Variants in TMTC2 observed in about 807,000 individuals in gnomAD.
TMTC2 encodes the protein transmembrane O-mannosyltransferase targeting cadherins 2, also known as protein O-mannosyl-transferase TMTC2.
Under a neutral mutation model 82.4 loss-of-function variants are expected in TMTC2, and 43 were observed. That is an observed-to-expected ratio of 0.52 (90% CI 0.41 to 0.67). The LOEUF is 0.67. TMTC2 is among the 30% of genes least tolerant of loss of function. The pLI is 0.00. For synonymous variants in TMTC2, 408 were observed against 381.9 expected, an observed-to-expected ratio of 1.07 and a Z score of -0.80; for missense variants, 919 against 1,012.4, an observed-to-expected ratio of 0.91 and a Z score of 1.25.
intron 3 of TMTC2, among the ~76,000 whole-genome samples, chr12:82,919,656 G>C (rs763166700): frequency 6.6e-6 from 1 of 152,160 alleles, no homozygotes; most frequent in Non-Finnish European, 1.5e-5. Flanking sequence ...GCATAGGGTA[G>C]GCATTCTCGT....
intron 2 of TMTC2, among the ~76,000 whole-genome samples, chr12:82,863,118 T>G (rs1357181402): frequency 3.3e-5 from 5 of 152,186 alleles, no homozygotes; most frequent in Non-Finnish European, 7.3e-5. Flanking sequence ...GCATTGTCCC[T>G]TTTGTTTCTA....
At chr12:82,751,278 A>G (rs189143875) in intron 1 of TMTC2, among the ~76,000 whole-genome samples, 9 of 152,190 alleles carry the variant, frequency 5.9e-5, no homozygotes, top group Non-Finnish European at 8.8e-5. Context: ...TCAGTAAACT[A>G]TCACAAGGAC....
chr12:82,924,795 A>G, intron 3 of TMTC2, among the ~76,000 whole-genome samples: 1 of 152,138 alleles, frequency 6.6e-6, no homozygotes, highest in Non-Finnish European at 1.5e-5. Context: ...TGCAGTGAGT[A>G]CCTTCTCTGC....
chr12:83,040,338 A>T (rs1881840675), intron 9 of TMTC2, among the ~76,000 whole-genome samples: 1 of 152,088 alleles, frequency 6.6e-6, no homozygotes, highest in Non-Finnish European at 1.5e-5. Flanking sequence ...ATTATGGAGG[A>T]CTGCTGGTGA....
chr12:82,702,007 A>G (rs1487738692), intron 1 of TMTC2, among the ~76,000 whole-genome samples: 1 of 152,118 alleles, frequency 6.6e-6, no homozygotes, highest in Admixed American at 6.5e-5. Flanking sequence ...TTTAAAGTCA[A>G]TGTGTTTCTG....
chr12:82,875,374 G>GCATATATATATATATATA (rs1032944879), intron 2 of TMTC2, among the ~76,000 whole-genome samples: 3 of 150,742 alleles, frequency 2.0e-5, no homozygotes, highest in African/African-American at 7.4e-5. Context: ...ATATATGTGT[G>GCATATATATATATATATA]TATATATATA....
chr12:82,876,046 T>TGGG (rs1872493762), intron 2 of TMTC2, among the ~76,000 whole-genome samples: 2 of 118,626 alleles, frequency 1.7e-5, no homozygotes, highest in Admixed American at 9.4e-5. Context: ...GTGGTGGTGG[T>TGGG]GGTGGTGGTG....
At chr12:82,918,090 G>T (rs941571032) in intron 3 of TMTC2, among the ~76,000 whole-genome samples, 33 of 151,984 alleles carry the variant, frequency 2.2e-4, no homozygotes, top group African/African-American at 8.0e-4. Flanking sequence ...GCTAAGTTTT[G>T]TATTTATTGG....
At chr12:82,992,665 T>G (rs1879449803) in intron 8 of TMTC2, among the ~76,000 whole-genome samples, 1 of 152,196 alleles carries the variant, frequency 6.6e-6, no homozygotes, top group Non-Finnish European at 1.5e-5. Context: ...CTCTGAAGCA[T>G]AATGAATCTG....
rs147013498 is a variant in TMTC2, at chr12:82,887,296, C to T, written c.655-8522C>T. Among the ~76,000 whole-genome samples, 837 of 152,266 alleles carry T rather than the reference C, an allele frequency of 5.5e-3. 5 individuals are homozygous for T. Among genetic ancestry groups the T allele is most frequent in the South Asian group, 0.028 (134 of 4,824 alleles). On this transcript the variant is annotated intron_variant, in intron 2 of 11. Coordinates refer to ENST00000321196, the MANE Select transcript of TMTC2 (RefSeq NM_152588.3). The stretch of plus-strand genomic sequence containing the variant: ...AGATCAGAAGACAATATTGAAGCTG[C>T]TATTATTAATGACAGTTTTCTTTCA...
At chr12:82,852,315 G>C (rs1410033690) in intron 1 of TMTC2, among the ~76,000 whole-genome samples, 3 of 151,922 alleles carry the variant, frequency 2.0e-5, no homozygotes, top group Non-Finnish European at 4.4e-5. Context: ...TACTGTGTTA[G>C]CCAGGATGGT....
At chr12:82,708,693 G>C (rs550527274) in intron 1 of TMTC2, among the ~76,000 whole-genome samples, 1 of 152,174 alleles carries the variant, frequency 6.6e-6, no homozygotes, top group Non-Finnish European at 1.5e-5. Flanking sequence ...TACGATGCTC[G>C]AGTTGCTGTT....
chr12:82,766,136 G>A (rs1332162188), intron 1 of TMTC2, among the ~76,000 whole-genome samples: 1 of 152,202 alleles, frequency 6.6e-6, no homozygotes, highest in Non-Finnish European at 1.5e-5. Context: ...TGGGCTTTCA[G>A]TGCTAATGCT....
chr12:83,035,075 G>A (rs1198242144), intron 9 of TMTC2, among the ~76,000 whole-genome samples: 1 of 152,152 alleles, frequency 6.6e-6, no homozygotes, highest in South Asian at 2.1e-4. Flanking sequence ...AGTGAGTTTT[G>A]TATGGGAAAT....
chr12:82,845,708 G>A (rs78638401), intron 1 of TMTC2, among the ~76,000 whole-genome samples: 2,304 of 152,102 alleles, frequency 0.015, 66 homozygotes, highest in African/African-American at 0.053. Flanking sequence ...CATGCAAATT[G>A]CAAGTCTGTG....
intron 1 of TMTC2, among the ~76,000 whole-genome samples, chr12:82,701,729 C>T (rs142786487): frequency 1.3e-5 from 2 of 148,866 alleles, no homozygotes; most frequent in African/African-American, 2.5e-5. Context: ...CCATTGTGCT[C>T]TACCCTGGGC....
chr12:82,835,323 A>G (rs542178602), intron 1 of TMTC2, among the ~76,000 whole-genome samples: 1 of 152,258 alleles, frequency 6.6e-6, no homozygotes, highest in East Asian at 1.9e-4. Flanking sequence ...GTTTTCATTG[A>G]TGTCTAAATT....
chr12:83,112,137 A>C (rs752543390), intron 11 of TMTC2, among the ~76,000 whole-genome samples: 18 of 152,152 alleles, frequency 1.2e-4, no homozygotes, highest in Non-Finnish European at 1.8e-4. Context: ...GTTTCTTATT[A>C]AAATTTTCAT....
At chr12:83,069,748 T>C (rs1441650411) in intron 11 of TMTC2, among the ~76,000 whole-genome samples, 1 of 152,194 alleles carries the variant, frequency 6.6e-6, no homozygotes, top group Non-Finnish European at 1.5e-5. Flanking sequence ...GCTTTTGGGT[T>C]ATTGGTCATG....
Sources: allele counts gnomAD v4.1 joint callset (sites outside exome capture counted in the v4.1 genomes callset), GRCh38; gene constraint gnomAD v4.1.1; transcripts MANE v1.5; gene names NCBI Gene and HGNC (gene_info 2026-07-23, HGNC 2026-07-21).